Variants in NIPBL observed in about 807,000 individuals in gnomAD.
NIPBL encodes NIPBL cohesin loading factor.
NIPBL carries 19 observed loss-of-function variants against 321.8 expected under a neutral mutation model. The ratio of observed to expected loss-of-function variants is 0.06; its 90% CI spans 0.04 to 0.09. NIPBL has a LOEUF of 0.09. NIPBL is among the 10% of genes least tolerant of loss of function. NIPBL has a pLI of 1.00. For missense variants in NIPBL, 2,210 were observed against 3,327.0 expected (o/e 0.66, Z 8.26); for synonymous variants, 1,106 against 1,114.1 (o/e 0.99, Z 0.14).
Position 37,051,893 on chromosome 5 carries a change from A to AT in NIPBL, c.7062+11dup. On this transcript the variant is annotated splice_region_variant and intron_variant, in intron 41 of 46. Coordinates refer to ENST00000282516, the MANE Select transcript of NIPBL (RefSeq NM_133433.4). The stretch of plus-strand genomic sequence containing the variant: ...ATATGCTGGATTCATTCATGTATGT[A>AT]TTTTAACATTTTATAACCTAAATTT... 6.4e-7 allele frequency: 1 copy of AT among 1,574,542 alleles called. No homozygotes were observed. The highest frequency in any genetic ancestry group is 8.7e-7 in the Non-Finnish European group (1 of 1,143,982).
At chr5:37,032,056 T>G (rs935000640) in intron 32 of NIPBL, among the ~76,000 whole-genome samples, 7 of 152,108 alleles carry the variant, frequency 4.6e-5, no homozygotes, top group African/African-American at 1.7e-4. Flanking sequence ...AAATGCAAAT[T>G]CTTAGGCCCT....
intron 33 of NIPBL, among the ~76,000 whole-genome samples, chr5:37,038,177 A>G (rs763079985): frequency 1.3e-5 from 2 of 151,882 alleles, no homozygotes; most frequent in East Asian, 1.9e-4. Context: ...TTCTGTAGAG[A>G]TGCAGTTTTT....
rs1743449460 is a variant in NIPBL at position 36,976,331 on chromosome 5, C to G, written c.1424C>G (p.Ala475Gly). 5 of 1,613,068 alleles carry G rather than the reference C, an allele frequency of 3.1e-6. No individual in the cohort carries two copies. The highest frequency in any genetic ancestry group is 3.4e-6 in the Non-Finnish European group (4 of 1,179,778). The change falls in exon 9 of 47, where the codon GCT becomes GGT. Residue 475 changes from alanine (A) to glycine (G), a missense_variant. Ala to Gly is a moderately conservative substitution (Grantham distance 60). This residue lies in a region of NIPBL where 464 missense variants were observed against 529.5 expected (regional missense o/e 0.88). Coordinates refer to ENST00000282516, the MANE Select transcript of NIPBL (RefSeq NM_133433.4). ...IYDEVELDALAEIERIERESA... is the reference protein window; with the variant it reads ...IYDEVELDALGEIERIERESA... ...GATGAAGTGGAATTGGATGCATTGG[C>G]TGAAATTGAGCGAATAGAGAGAGAA...
chr5:37,048,635 A>G lies in NIPBL; in HGVS notation c.6723A>G (p.Leu2241=), dbSNP rs187845879. The change falls in exon 39 of 47, where the codon CTA becomes CTG. Residue 2241 remains leucine, a synonymous_variant. Transcript: ENST00000282516. ...IQVLKNLQTY[L]QEEDTRMQQA... is the part of the protein sequence containing the mutation. ...TGTTAAAAAACCTCCAGACCTACCT[A>G]CAAGAAGAAGATACACGTATGCAGC... is the stretch of plus-strand genomic sequence containing the variant. The G allele has an allele frequency of 9.3e-6, 15 of 1,610,412 alleles. No homozygotes were observed. Among genetic ancestry groups the G allele is most frequent in the Admixed American group, 1.7e-5 (1 of 59,968 alleles).
chr5:37,041,252 G>GTTTGT (rs1752315497), intron 34 of NIPBL, among the ~76,000 whole-genome samples: 1 of 64,006 alleles, frequency 1.6e-5, no homozygotes, highest in Non-Finnish European at 2.7e-5. Context: ...TTATGTGGTG[G>GTTTGT]TTTTTTTTTT....
At chr5:37,042,766 C>T (rs1352099207) in intron 34 of NIPBL, among the ~76,000 whole-genome samples, 1 of 150,532 alleles carries the variant, frequency 6.6e-6, no homozygotes, top group Non-Finnish European at 1.5e-5. Context: ...GCGGAGGTTG[C>T]AGTGAGCCAA....
At chr5:36,893,990 TAA>T (rs1431273851) in intron 1 of NIPBL, among the ~76,000 whole-genome samples, 1 of 152,208 alleles carries the variant, frequency 6.6e-6, no homozygotes, top group East Asian at 1.9e-4. Flanking sequence ...TCTTATATTT[TAA>T]AAGTTTGCTC....
At chr5:36,914,712 C>T (rs1748324345) in intron 1 of NIPBL, among the ~76,000 whole-genome samples, 1 of 152,194 alleles carries the variant, frequency 6.6e-6, no homozygotes, top group Non-Finnish European at 1.5e-5. Context: ...CAACCTGAAT[C>T]ACTTTCAGTG....
chr5:37,020,174 G>T (rs1749466648), intron 25 of NIPBL, among the ~76,000 whole-genome samples: 1 of 152,146 alleles, frequency 6.6e-6, no homozygotes, highest in Non-Finnish European at 1.5e-5. Flanking sequence ...TGTTGTCCTT[G>T]ATTAAGTAGT....
chr5:37,025,000 G>A (rs1750095357), intron 30 of NIPBL, among the ~76,000 whole-genome samples: 1 of 152,192 alleles, frequency 6.6e-6, no homozygotes, highest in African/African-American at 2.4e-5. Flanking sequence ...GGGAGGCCAA[G>A]GCAGGAGAAT....
intron 38 of NIPBL, among the ~76,000 whole-genome samples, chr5:37,047,500 A>C (rs1002965080): frequency 6.6e-6 from 1 of 152,230 alleles, no homozygotes; most frequent in African/African-American, 2.4e-5. Flanking sequence ...AAATTCAGAC[A>C]TCATTTACTA....
chr5:36,910,498 T>G (rs1415915541), intron 1 of NIPBL, among the ~76,000 whole-genome samples: 2 of 152,204 alleles, frequency 1.3e-5, no homozygotes, highest in African/African-American at 4.8e-5. Flanking sequence ...CTTGCACATC[T>G]TTTCCATATA....
chr5:36,922,703 C>T lies in NIPBL; in HGVS notation c.-79-30915C>T, dbSNP rs186525529. 2.2e-3 allele frequency among the ~76,000 whole-genome samples: 340 copies of T among 152,258 alleles called. 1 individual carries two copies. Among genetic ancestry groups the T allele is most frequent in the Non-Finnish European group, 3.2e-3 (215 of 68,012 alleles). ...AGTGATGAACTCTGAGGTTCATGTA[C>T]TTATATTACTTATAAAACATTTAAA... On this transcript the variant is annotated intron_variant, in intron 1 of 46. Transcript: ENST00000282516.
intron 9 of NIPBL, among the ~76,000 whole-genome samples, chr5:36,984,212 A>G (rs1330180515): frequency 6.6e-6 from 1 of 151,932 alleles, no homozygotes; most frequent in East Asian, 1.9e-4. Context: ...GTAAAAACTT[A>G]TATTTCCTGT....
At chr5:37,036,176 GAT>G (rs1751660780) in intron 32 of NIPBL, among the ~76,000 whole-genome samples, 1 of 151,482 alleles carries the variant, frequency 6.6e-6, no homozygotes, top group African/African-American at 2.4e-5. Flanking sequence ...TGGTTTATAA[GAT>G]ATTTTTAAAC....
chr5:37,024,791 G>A (rs1750065791), intron 30 of NIPBL, 72 bp downstream of exon 30: 2 of 1,228,398 alleles, frequency 1.6e-6, no homozygotes, highest in Non-Finnish European at 2.3e-6. Context: ...GCACCTAAAT[G>A]TTGATTTTAA....
chr5:36,884,705 A>G (rs1330016071), intron 1 of NIPBL, among the ~76,000 whole-genome samples: 2 of 152,286 alleles, frequency 1.3e-5, no homozygotes, highest in East Asian at 3.9e-4. Context: ...GTTTAGTTAG[A>G]ATTGAGCCAT....
At chr5:36,963,745 C>T (rs1741893246) in intron 6 of NIPBL, among the ~76,000 whole-genome samples, 1 of 152,044 alleles carries the variant, frequency 6.6e-6, no homozygotes, top group Non-Finnish European at 1.5e-5. Context: ...GTCATGATCA[C>T]ACCATTGCAG....
intron 1 of NIPBL, among the ~76,000 whole-genome samples, chr5:36,893,876 G>A (rs1245681370): frequency 6.6e-6 from 1 of 152,138 alleles, no homozygotes; most frequent in East Asian, 1.9e-4. Context: ...GTTAGGGTAG[G>A]AGATAGTGTA....
Sources: gnomAD v4.1 joint callset for allele counts (sites outside exome capture counted in the v4.1 genomes callset) on GRCh38, gnomAD v4.1.1 for gene constraint, gnomAD v4.1.1 regional missense constraint, MANE v1.5 for transcripts, NCBI Gene and HGNC (gene_info 2026-07-23, HGNC 2026-07-21) for gene names.